The following NCK2 variants were observed in gnomAD, a reference collection of about 807,000 sequenced individuals.
NCK2 encodes the protein cytoplasmic protein NCK2.
In NCK2, 16 loss-of-function variants were observed where a neutral mutation model predicts 33.9. The ratio of observed to expected loss-of-function variants is 0.47; its 90% confidence interval spans 0.32 to 0.72. The LOEUF is 0.72. Ranked by LOEUF, NCK2 falls within the 30% of genes least tolerant of loss-of-function variation. The pLI is 0.03. For missense variants in NCK2, 418 were observed against 537.3 expected (o/e 0.78, Z 2.19); for synonymous variants, 273 against 239.9 (o/e 1.14, Z -1.27).
chr2:105,768,742 C>A (rs1558828077), intron 1 of NCK2, among the ~76,000 whole-genome samples: 1 of 152,136 alleles, frequency 6.6e-6, no homozygotes, highest in East Asian at 1.9e-4. Flanking sequence ...CAAGATGATT[C>A]TTACAGTGTG....
chr2:105,828,531 G>C (rs996994305), intron 2 of NCK2, among the ~76,000 whole-genome samples: 1 of 152,132 alleles, frequency 6.6e-6, no homozygotes, highest in Non-Finnish European at 1.5e-5. Context: ...ACTTTGTCTC[G>C]ACTCTGAAGT....
intron 4 of NCK2, among the ~76,000 whole-genome samples, chr2:105,885,170 G>T (rs1678672176): frequency 6.6e-6 from 1 of 152,184 alleles, no homozygotes; most frequent in Non-Finnish European, 1.5e-5. Context: ...CTAGGATATG[G>T]TTGGAAAAGG....
chr2:105,755,927 T>C (rs1277610014), intron 1 of NCK2, among the ~76,000 whole-genome samples: 2 of 152,182 alleles, frequency 1.3e-5, no homozygotes, highest in African/African-American at 2.4e-5. Context: ...AGTTCTAAAA[T>C]AAACTCCTCA....
chr2:105,893,334 T>A lies in NCK2; in HGVS notation c.*158T>A. 1 of 722,108 alleles carries A rather than the reference T, an allele frequency of 1.4e-6. No homozygotes were observed. The highest frequency in any genetic ancestry group is 2.2e-6 in the Non-Finnish European group (1 of 453,784). 44.7% of individuals were successfully genotyped at this position (722,108 alleles called of 1,614,324 possible). ...TGGTCGGTTCGTCTCCCATTTGCCA[T>A]CCAGGCCTCACACCCACACTCGAGC... On this transcript the variant is annotated 3_prime_UTR_variant, in exon 5 of 5. Coordinates refer to ENST00000233154, the MANE Select transcript of NCK2 (RefSeq NM_003581.5).
Position 105,855,281 on chromosome 2 carries a change from A to AC in NCK2, c.219dup (p.Thr74HisfsTer56), listed in dbSNP as rs1245488498. On this transcript the variant is annotated frameshift_variant, in exon 3 of 5. Transcript: ENST00000233154. LOFTEE classifies it high-confidence loss of function. ...GGCTCCCTCGTGAAGAACCTGAAGG[A>AC]CACACTAGGTGAGTGTTTCACCCTC... 6.2e-7 allele frequency: 1 copy of AC among 1,603,780 alleles called. No individual in the cohort carries two copies. Among genetic ancestry groups the AC allele is most frequent in the Non-Finnish European group, 8.5e-7 (1 of 1,174,636 alleles).
At chr2:105,847,764 A>C (rs1351833959) in intron 2 of NCK2, among the ~76,000 whole-genome samples, 1 of 152,218 alleles carries the variant, frequency 6.6e-6, no homozygotes, top group African/African-American at 2.4e-5. Context: ...AATAGTTTAA[A>C]TTTACATTTT....
At chr2:105,792,529 G>C (rs1372435542) in intron 1 of NCK2, among the ~76,000 whole-genome samples, 1 of 152,016 alleles carries the variant, frequency 6.6e-6, no homozygotes, top group Non-Finnish European at 1.5e-5. Flanking sequence ...ATTTACAACT[G>C]GTTGTTAAAG....
At chr2:105,863,871 C>T (rs929610812) in intron 3 of NCK2, among the ~76,000 whole-genome samples, 1 of 152,080 alleles carries the variant, frequency 6.6e-6, no homozygotes, top group Non-Finnish European at 1.5e-5. Flanking sequence ...GTTGCGTCGT[C>T]TGTATAACGG....
rs773358457 is a variant in NCK2, at chr2:105,893,449, C to T, written c.*273C>T. ...TCGGAAGTGGCGCTCGTGCATTCAA[C>T]TCGTTCCCGCTCATGGAACCCCTCT... On this transcript the variant is annotated 3_prime_UTR_variant, in exon 5 of 5. Transcript: ENST00000233154. 2.5e-6 allele frequency: 1 copy of T among 397,594 alleles called. No homozygotes were observed. Among genetic ancestry groups the T allele is most frequent in the Non-Finnish European group, 4.7e-6 (1 of 213,846 alleles). The allele number at this position is 397,594 out of a possible 1,614,324, so 24.6% of individuals were successfully genotyped here.
chr2:105,861,944 T>A (rs1195155803), intron 3 of NCK2, among the ~76,000 whole-genome samples: 1 of 43,786 alleles, frequency 2.3e-5, no homozygotes, highest in Non-Finnish European at 4.2e-5. Context: ...TCCTGCCCGC[T>A]CCCCCCTTCC....
At chr2:105,866,859 G>A (rs1677785836) in intron 3 of NCK2, among the ~76,000 whole-genome samples, 1 of 152,198 alleles carries the variant, frequency 6.6e-6, no homozygotes, top group African/African-American at 2.4e-5. Flanking sequence ...TATGCTTCCT[G>A]GGTGTTGAGT....
At chr2:105,858,895 C>T (rs1048596032) in intron 3 of NCK2, among the ~76,000 whole-genome samples, 1 of 152,216 alleles carries the variant, frequency 6.6e-6, no homozygotes, top group African/African-American at 2.4e-5. Flanking sequence ...TACTGGATCT[C>T]TTCTCATATT....
intron 2 of NCK2, chr2:105,848,453 T>G (rs1676934746): frequency 6.6e-6 from 1 of 152,216 alleles, no homozygotes; most frequent in Non-Finnish European, 1.5e-5. Flanking sequence ...AGACAGATCA[T>G]GAAAGGACTC....
chr2:105,787,090 G>C (rs556494495), intron 1 of NCK2, among the ~76,000 whole-genome samples: 1 of 152,228 alleles, frequency 6.6e-6, no homozygotes, highest in Non-Finnish European at 1.5e-5. Context: ...CGCTGCAGGC[G>C]TGGTGGCACT....
At chr2:105,884,829 A>T (rs1183840820) in intron 4 of NCK2, among the ~76,000 whole-genome samples, 1 of 152,006 alleles carries the variant, frequency 6.6e-6, no homozygotes, top group Non-Finnish European at 1.5e-5. Context: ...TCTCTCATCT[A>T]CAATTGTCAT....
At chr2:105,771,537 C>A (rs1254968664) in intron 1 of NCK2, among the ~76,000 whole-genome samples, 1 of 152,152 alleles carries the variant, frequency 6.6e-6, no homozygotes, top group African/African-American at 2.4e-5. Context: ...TGTACTCCAG[C>A]CTGGGCGACA....
intron 2 of NCK2, among the ~76,000 whole-genome samples, chr2:105,852,546 T>C (rs1209488156): frequency 1.3e-5 from 2 of 152,226 alleles, no homozygotes; most frequent in Non-Finnish European, 2.9e-5. Flanking sequence ...CCCAGCCAGC[T>C]CTTTACTTAA....
At chr2:105,781,297 C>T (rs1005090972) in intron 1 of NCK2, among the ~76,000 whole-genome samples, 3 of 146,896 alleles carry the variant, frequency 2.0e-5, no homozygotes, top group Admixed American at 6.8e-5. Context: ...ACTTTTTACA[C>T]CTCTGTGCCT....
chr2:105,850,362 G>A (rs929410870), intron 2 of NCK2, among the ~76,000 whole-genome samples: 3 of 152,130 alleles, frequency 2.0e-5, no homozygotes, highest in African/African-American at 7.2e-5. Context: ...TTAGGCGTTA[G>A]TGAAAACTGT....
Sources: allele counts gnomAD v4.1 joint callset (sites outside exome capture counted in the v4.1 genomes callset), GRCh38; gene constraint gnomAD v4.1.1; transcripts MANE v1.5; gene names NCBI Gene and HGNC (gene_info 2026-07-23, HGNC 2026-07-21).